PKNOX2: variants seen among roughly 807,000 people sequenced by gnomAD.
PKNOX2 encodes the protein PBX/knotted 1 homeobox 2.
Under a neutral mutation model 53.1 loss-of-function variants are expected in PKNOX2, and 14 were observed. That is an observed-to-expected ratio of 0.26 (90% CI 0.17 to 0.41). The LOEUF (loss-of-function observed/expected upper bound fraction) is 0.41. Among genes scored for constraint, PKNOX2 ranks in the 10% least tolerant of loss-of-function variants. The pLI is 1.00. For missense variants in PKNOX2, 496 were observed against 602.8 expected (o/e 0.82, Z 1.85); for synonymous variants, 257 against 242.8 (o/e 1.06, Z -0.54).
chr11:125,414,838 C>T (rs576710624), intron 10 of PKNOX2, among the ~76,000 whole-genome samples: 2 of 152,114 alleles, frequency 1.3e-5, no homozygotes, highest in South Asian at 4.2e-4. Flanking sequence ...GCACATAGCA[C>T]TTAAGAAATA....
chr11:125,431,348 A>G lies in PKNOX2; in HGVS notation c.1375A>G (p.Asn459Asp). Residue 459 changes from asparagine (N) to aspartate (D), a missense_variant, in exon 13 of 13, where the codon AAT becomes GAT. By Grantham distance (23) the Asn-to-Asp change is conservative. Around this residue, in one of 5 missense-constraint regions of PKNOX2, gnomAD observed 139 missense variants for 161.3 expected, o/e 0.86. Coordinates refer to ENST00000298282, the MANE Select transcript of PKNOX2 (RefSeq NM_001382323.2). ...GGAGGTCGACGAGCTGCAGACGACA[A>G]ATGTCAGCGACCTGGGCTTGGAACA... ...EEEVDELQTTNVSDLGLEHSD... is the reference protein window; with the variant it reads ...EEEVDELQTTDVSDLGLEHSD... 13 of 1,612,136 alleles carry G rather than the reference A, an allele frequency of 8.1e-6. No individual in the cohort carries two copies. The highest frequency in any genetic ancestry group is 1.1e-5 in the Non-Finnish European group (13 of 1,179,098).
chr11:125,294,608 C>T (rs766425279), intron 2 of PKNOX2, among the ~76,000 whole-genome samples: 4 of 152,088 alleles, frequency 2.6e-5, no homozygotes, highest in Admixed American at 6.5e-5. Flanking sequence ...TGGAAGGGTT[C>T]GTGTGCACAG....
chr11:125,362,311 A>T (rs996926109), intron 4 of PKNOX2, among the ~76,000 whole-genome samples: 1 of 152,134 alleles, frequency 6.6e-6, no homozygotes, highest in African/African-American at 2.4e-5. Context: ...TGAAATGGAG[A>T]TGATGATAAC....
At chr11:125,327,234 G>A (rs1379048782) in intron 2 of PKNOX2, among the ~76,000 whole-genome samples, 1 of 152,198 alleles carries the variant, frequency 6.6e-6, no homozygotes, top group African/African-American at 2.4e-5. Context: ...TGGCAAAACA[G>A]GCAAAGGTGA....
chr11:125,376,932 C>T (rs936378128), intron 5 of PKNOX2, among the ~76,000 whole-genome samples: 1 of 151,886 alleles, frequency 6.6e-6, no homozygotes, highest in Non-Finnish European at 1.5e-5. Context: ...AAACGAGGTT[C>T]GAAGTTCTGA....
chr11:125,221,761 A>G (rs1941175663), intron 1 of PKNOX2, among the ~76,000 whole-genome samples: 1 of 152,008 alleles, frequency 6.6e-6, no homozygotes, highest in Admixed American at 6.5e-5. Flanking sequence ...TTAAATGCAC[A>G]TATAAATTAT....
chr11:125,218,525 C>T (rs749926076), intron 1 of PKNOX2, among the ~76,000 whole-genome samples: 1 of 152,084 alleles, frequency 6.6e-6, no homozygotes, highest in Non-Finnish European at 1.5e-5. Flanking sequence ...GAGGGATAGG[C>T]TGAGCAAAAG....
In PKNOX2 at chr11:125,262,739, T is replaced by C. The variant is rs115965100; in HGVS notation, c.-130+27624T>C. ...GGGGGAGGGAGGTGATCTTGTCCTT[T>C]CTTTCCACTCGTTCTGGGCACCTCA... On this transcript the variant is annotated intron_variant, in intron 2 of 12. Transcript: ENST00000298282. 6.9e-3 allele frequency among the ~76,000 whole-genome samples: 1,050 copies of C among 152,134 alleles called. 19 individuals carry two copies. Among genetic ancestry groups the C allele is most frequent in the African/African-American group, 0.024 (989 of 41,494 alleles).
At chr11:125,229,711 C>G (rs7926391) in intron 1 of PKNOX2, among the ~76,000 whole-genome samples, 3,895 of 152,202 alleles carry the variant, frequency 0.026, 161 homozygotes, top group African/African-American at 0.088. Flanking sequence ...AGTGATGCTT[C>G]TGAGGGAGAA....
At chr11:125,284,098 T>A (rs1946747551) in intron 2 of PKNOX2, among the ~76,000 whole-genome samples, 1 of 152,238 alleles carries the variant, frequency 6.6e-6, no homozygotes, top group South Asian at 2.1e-4. Flanking sequence ...AAATAGTAAC[T>A]GAACACACCT....
chr11:125,222,216 G>T (rs1941216288), intron 1 of PKNOX2, among the ~76,000 whole-genome samples: 1 of 152,102 alleles, frequency 6.6e-6, no homozygotes, highest in Non-Finnish European at 1.5e-5. Flanking sequence ...CACAGTGATG[G>T]GTCTTTCCTC....
intron 2 of PKNOX2, chr11:125,277,773 T>C (rs1021972885): frequency 3.9e-5 from 6 of 152,242 alleles, no homozygotes; most frequent in South Asian, 2.1e-4. Context: ...AGAAGAATTA[T>C]AGCGTTCCCA....
rs1565462434 is a variant in PKNOX2, at chr11:125,178,644, A to AGG, written c.-201+13868_-201+13869insGG. On this transcript the variant is annotated intron_variant, in intron 1 of 12. Coordinates refer to ENST00000298282, the MANE Select transcript of PKNOX2 (RefSeq NM_001382323.2). ...AAAGAAAGAAAGAAAGAAAGAAAGA[A>AGG]AGAAGGAAGGAAGGAAGGAAGGAAG... is the stretch of plus-strand genomic sequence containing the variant. 5.2e-3 allele frequency among the ~76,000 whole-genome samples: 524 copies of AGG among 99,942 alleles called. 9 individuals are homozygous for AGG. Among genetic ancestry groups the AGG allele is most frequent in the Admixed American group, 0.011 (129 of 11,280 alleles). The allele number at this position is 99,942 out of a possible 152,430, so 65.6% of individuals were successfully genotyped here.
chr11:125,179,882 C>T (rs1196076976), intron 1 of PKNOX2, among the ~76,000 whole-genome samples: 1 of 152,162 alleles, frequency 6.6e-6, no homozygotes, highest in Non-Finnish European at 1.5e-5. Context: ...ATTTTGCCCT[C>T]AGCATATATG....
chr11:125,201,841 C>T (rs1208575706), intron 1 of PKNOX2, among the ~76,000 whole-genome samples: 1 of 152,146 alleles, frequency 6.6e-6, no homozygotes, highest in Non-Finnish European at 1.5e-5. Context: ...TAGGCATTTC[C>T]CCCAAGAGCC....
chr11:125,276,401 T>C (rs148443671), intron 2 of PKNOX2, among the ~76,000 whole-genome samples: 6 of 152,332 alleles, frequency 3.9e-5, no homozygotes, highest in African/African-American at 9.6e-5. Flanking sequence ...GGTATGTTTA[T>C]ATGCCAGGGG....
intron 2 of PKNOX2, among the ~76,000 whole-genome samples, chr11:125,290,000 G>A (rs1402045438): frequency 1.3e-5 from 2 of 152,318 alleles, no homozygotes; most frequent in East Asian, 1.9e-4. Context: ...TGGATAGGAT[G>A]TTGTATTCAC....
chr11:125,368,001 G>T lies in PKNOX2; in HGVS notation c.227+16G>T. The stretch of plus-strand genomic sequence containing the variant: ...CTGTATACAGGTAGGAGACACTTCA[G>T]CTGTGTCTACAGCCCTCAACCAGCT... On this transcript the variant is annotated intron_variant, in intron 5 of 12. Transcript: ENST00000298282. 1.2e-6 allele frequency: 2 copies of T among 1,609,978 alleles called. No individual in the cohort carries two copies. Among genetic ancestry groups the T allele is most frequent in the African/African-American group, 1.3e-5 (1 of 74,914 alleles).
chr11:125,287,045 TGAG>T (rs1946952466), intron 2 of PKNOX2, among the ~76,000 whole-genome samples: 1 of 152,240 alleles, frequency 6.6e-6, no homozygotes. Flanking sequence ...ATTTGCCGCC[TGAG>T]GAGGCCCTCT....
Sources: allele counts gnomAD v4.1 joint callset (sites outside exome capture counted in the v4.1 genomes callset), GRCh38; gene constraint gnomAD v4.1.1; regional missense constraint gnomAD v4.1.1; transcripts MANE v1.5; gene names NCBI Gene and HGNC (gene_info 2026-07-23, HGNC 2026-07-21).